MALRD1: variants seen among roughly 807,000 people sequenced by gnomAD.
The protein encoded by MALRD1 is MAM and LDL-receptor class A domain-containing protein 1.
In MALRD1, 247 loss-of-function variants were observed where a neutral mutation model predicts 242.1. That is an observed-to-expected ratio of 1.02 (90% confidence interval 0.92 to 1.13). The LOEUF (loss-of-function observed/expected upper bound fraction) is 1.13, where lower values mean the gene tolerates loss of function less well. Among genes scored for constraint, MALRD1 ranks in the 50% most tolerant of loss-of-function variants. The pLI, the probability that MALRD1 is intolerant of heterozygous loss-of-function variation, is 0.00. For synonymous variants in MALRD1, 995 were observed against 866.6 expected, an observed-to-expected ratio of 1.15 and a Z score of -2.60; for missense variants, 2,989 against 2,533.1, an observed-to-expected ratio of 1.18 and a Z score of -3.86.
At chr10:19,380,163 C>T (rs1163564202) in intron 26 of MALRD1, among the ~76,000 whole-genome samples, 6 of 151,032 alleles carry the variant, frequency 4.0e-5, no homozygotes, top group African/African-American at 9.7e-5. Context: ...TTAGTAGAGA[C>T]GGGGTTTCAC....
At position 19,165,651 on chromosome 10, in the gene MALRD1, T is replaced by C. The variant is rs1011039041; in HGVS notation, c.1671T>C (p.Tyr557=). The change falls in exon 13 of 40, where the codon TAT becomes TAC. Residue 557 remains tyrosine (Y), a synonymous_variant. Coordinates refer to ENST00000454679, the MANE Select transcript of MALRD1 (RefSeq NM_001142308.3). ...GTTTTCAACAGGTGCAGTTTTGGTA[T>C]CATTTGTCTCAACATTCAAATCTCT... The part of the protein sequence containing the change: ...ASTPCQVQFW[Y]HLSQHSNLSV... The C allele has an allele frequency of 6.8e-5, 84 of 1,231,398 alleles. No individual in the cohort carries two copies. The highest frequency in any genetic ancestry group is 8.2e-5 in the Non-Finnish European group (81 of 987,848). The allele number at this position is 1,231,398 out of a possible 1,614,324, so 76.3% of individuals were successfully genotyped here.
At chr10:19,383,277 C>T (rs1208351644) in intron 26 of MALRD1, among the ~76,000 whole-genome samples, 1 of 152,034 alleles carries the variant, frequency 6.6e-6, no homozygotes, top group African/African-American at 2.4e-5. Context: ...AAGTTTCACT[C>T]CCATTGATAA....
intron 5 of MALRD1, among the ~76,000 whole-genome samples, chr10:19,108,380 G>GTT (rs1836547064): frequency 1.9e-4 from 4 of 21,276 alleles, no homozygotes; most frequent in Admixed American, 7.2e-4. Context: ...CTCATGAATT[G>GTT]TTTTTTCTTT....
chr10:19,642,665 T>C (rs1451780717), intron 36 of MALRD1, among the ~76,000 whole-genome samples: 1 of 152,192 alleles, frequency 6.6e-6, no homozygotes, highest in Non-Finnish European at 1.5e-5. Context: ...AAAAATCACA[T>C]TCTGCATAGA....
intron 32 of MALRD1, among the ~76,000 whole-genome samples, chr10:19,554,233 A>C (rs556714646): frequency 2.6e-5 from 4 of 152,258 alleles, no homozygotes; most frequent in African/African-American, 7.2e-5. Context: ...TTCTACAGGA[A>C]GCTGGGTTCC....
chr10:19,711,135 A>T (rs1260949023), intron 38 of MALRD1: 2 of 152,156 alleles, frequency 1.3e-5, no homozygotes, highest in Non-Finnish European at 2.9e-5. Context: ...TATCTTCCTG[A>T]TAGATTCTTT....
chr10:19,545,657 A>T (rs1314127834), intron 32 of MALRD1, among the ~76,000 whole-genome samples: 1 of 70,998 alleles, frequency 1.4e-5, no homozygotes, highest in Non-Finnish European at 5.1e-5. Flanking sequence ...TTTTCCTGGA[A>T]ATTTAATGAG....
intron 28 of MALRD1, among the ~76,000 whole-genome samples, chr10:19,428,419 A>G (rs1564331265): frequency 1.3e-5 from 2 of 152,066 alleles, no homozygotes; most frequent in East Asian, 1.9e-4. Flanking sequence ...CCTGAATACG[A>G]TCTTCTGCCA....
At chr10:19,583,892 C>G (rs1217642784) in intron 33 of MALRD1, among the ~76,000 whole-genome samples, 2 of 152,232 alleles carry the variant, frequency 1.3e-5, no homozygotes, top group Middle Eastern at 3.4e-3. Context: ...ATTATTGCCA[C>G]AATTTCAGCT....
intron 26 of MALRD1, among the ~76,000 whole-genome samples, chr10:19,359,695 A>C (rs1009893710): frequency 9.9e-5 from 15 of 152,216 alleles, no homozygotes; most frequent in Middle Eastern, 3.4e-3. Context: ...AGACATCACG[A>C]GGTAGGAGAA....
intron 33 of MALRD1, among the ~76,000 whole-genome samples, chr10:19,568,324 T>A (rs4748596): frequency 0.72 from 109,035 of 151,786 alleles, 41,798 homozygotes; most frequent in Non-Finnish European, 0.84. Flanking sequence ...AGCTACTCAA[T>A]GCCTCTTTAA....
Position 19,595,291 on chromosome 10 carries a change from T to G in MALRD1, c.5778T>G (p.His1926Gln). The G allele has an allele frequency of 6.4e-7, 1 of 1,550,836 alleles. No homozygotes were observed. The highest frequency in any genetic ancestry group is 8.7e-7 in the Non-Finnish European group (1 of 1,147,002). ...CTCTCTCAGGGAAATGTGATGGACATGAAGACTGCATAGATGGATCTGATG... is the reference window on the plus strand; with the variant it reads ...CTCTCTCAGGGAAATGTGATGGACAGGAAGACTGCATAGATGGATCTGATG... Reference protein sequence around the residue: ...CVPLSGKCDGHEDCIDGSDEM... With the variant: ...CVPLSGKCDGQEDCIDGSDEM... The change falls in exon 34 of 40, where the codon CAT becomes CAG. Residue 1926 changes from histidine (H) to glutamine (Q), a missense_variant. Coordinates refer to ENST00000454679, the MANE Select transcript of MALRD1 (RefSeq NM_001142308.3).
At chr10:19,703,948 C>T (rs1589422442) in intron 38 of MALRD1, among the ~76,000 whole-genome samples, 1 of 152,056 alleles carries the variant, frequency 6.6e-6, no homozygotes, top group Non-Finnish European at 1.5e-5. Context: ...TAAAAATAAA[C>T]AGTAAGCCGT....
intron 36 of MALRD1, among the ~76,000 whole-genome samples, chr10:19,665,193 A>G (rs1841623230): frequency 1.3e-5 from 2 of 152,168 alleles, no homozygotes; most frequent in Non-Finnish European, 2.9e-5. Context: ...ATTTAGGCTT[A>G]CATAGCATCC....
intron 36 of MALRD1, among the ~76,000 whole-genome samples, chr10:19,635,552 A>G (rs181145924): frequency 1.3e-5 from 2 of 152,290 alleles, no homozygotes; most frequent in Admixed American, 6.5e-5. Flanking sequence ...TTCACTCAGA[A>G]TGCAACACGG....
intron 19 of MALRD1, among the ~76,000 whole-genome samples, chr10:19,270,336 T>TCACACACACACACACA (rs200537040): frequency 1.5e-5 from 2 of 130,876 alleles, no homozygotes; most frequent in African/African-American, 5.5e-5. Context: ...TCTCTCTCTC[T>TCACACACACACACACA]CACACACACA....
At chr10:19,383,532 G>A (rs999866454) in intron 26 of MALRD1, among the ~76,000 whole-genome samples, 1 of 151,966 alleles carries the variant, frequency 6.6e-6, no homozygotes, top group Non-Finnish European at 1.5e-5. Flanking sequence ...TGTCTTTATG[G>A]TAGAATGATT....
chr10:19,541,231 TA>T, intron 32 of MALRD1, among the ~76,000 whole-genome samples: 1 of 152,320 alleles, frequency 6.6e-6, no homozygotes, highest in African/African-American at 2.4e-5. Flanking sequence ...CCATTGTTTT[TA>T]CAAGTGGTGT....
At chr10:19,063,044 C>A (rs1174928391) in intron 1 of MALRD1, among the ~76,000 whole-genome samples, 3 of 151,866 alleles carry the variant, frequency 2.0e-5, no homozygotes, top group Non-Finnish European at 4.4e-5. Context: ...ACTTGAGAGG[C>A]TGAGATGGGA....
Sources: gnomAD v4.1 joint callset for allele counts (sites outside exome capture counted in the v4.1 genomes callset) on GRCh38, gnomAD v4.1.1 for gene constraint, MANE v1.5 for transcripts, NCBI Gene and HGNC (gene_info 2026-07-23, HGNC 2026-07-21) for gene names.